Variants in IGF2BP3 observed in about 807,000 individuals in gnomAD.
IGF2BP3 encodes the protein insulin-like growth factor 2 mRNA-binding protein 3.
IGF2BP3 carries 9 observed loss-of-function variants against 73.8 expected under a neutral mutation model. The ratio of observed to expected loss-of-function variants is 0.12; its 90% confidence interval spans 0.07 to 0.21. The LOEUF is 0.21. IGF2BP3 is among the 10% of genes least tolerant of loss of function. The pLI is 1.00. For synonymous variants in IGF2BP3, 258 were observed against 256.7 expected (o/e 1.01, Z -0.05); for missense variants, 542 against 714.0 (o/e 0.76, Z 2.75).
intron 8 of IGF2BP3, among the ~76,000 whole-genome samples, chr7:23,345,033 GT>G (rs1015368069): frequency 4.8e-4 from 73 of 152,220 alleles, no homozygotes; most frequent in African/African-American, 1.3e-3. Context: ...ACTTTGTGGG[GT>G]TTTTTTCCCC....
At chr7:23,445,805 T>A (rs1719608910) in intron 2 of IGF2BP3, among the ~76,000 whole-genome samples, 1 of 152,128 alleles carries the variant, frequency 6.6e-6, no homozygotes, top group Admixed American at 6.6e-5. Context: ...ATACAATAGT[T>A]ATGTTTAAGT....
intron 2 of IGF2BP3, among the ~76,000 whole-genome samples, chr7:23,467,602 CA>C (rs1788597043): frequency 6.6e-6 from 1 of 151,766 alleles, no homozygotes; most frequent in Non-Finnish European, 1.5e-5. Context: ...AAAAACAAAA[CA>C]AAACAAAAAA....
intron 2 of IGF2BP3, among the ~76,000 whole-genome samples, chr7:23,445,621 G>C (rs1207775340): frequency 2.0e-5 from 3 of 152,068 alleles, no homozygotes; most frequent in African/African-American, 4.8e-5. Flanking sequence ...AGAGACCTAA[G>C]AATAAATAGG....
chr7:23,382,888 C>G (rs1785955021), intron 3 of IGF2BP3, among the ~76,000 whole-genome samples: 1 of 95,808 alleles, frequency 1.0e-5, no homozygotes, highest in Non-Finnish European at 1.9e-5. Context: ...AAAAACCTAG[C>G]TCTACCAAAA....
chr7:23,442,618 G>T (rs1345746058), intron 2 of IGF2BP3, among the ~76,000 whole-genome samples: 1 of 151,944 alleles, frequency 6.6e-6, no homozygotes, highest in African/African-American at 2.4e-5. Context: ...GGCTGGTCTC[G>T]AACTCCTGAC....
intron 10 of IGF2BP3, among the ~76,000 whole-genome samples, chr7:23,328,189 G>GA (rs1332086218): frequency 5.9e-5 from 9 of 151,910 alleles, no homozygotes; most frequent in Admixed American, 2.6e-4. Flanking sequence ...ATCTTTAAAG[G>GA]AAAAATTCAG....
chr7:23,432,924 G>A (rs1027321348), intron 2 of IGF2BP3, among the ~76,000 whole-genome samples: 5 of 152,236 alleles, frequency 3.3e-5, no homozygotes, highest in Non-Finnish European at 7.4e-5. Context: ...GAGCCACTGC[G>A]CCCAGCCTGT....
intron 3 of IGF2BP3, among the ~76,000 whole-genome samples, chr7:23,375,514 A>G (rs1785690364): frequency 6.6e-6 from 1 of 152,180 alleles, no homozygotes; most frequent in Non-Finnish European, 1.5e-5. Context: ...AGCAAACACC[A>G]GTTTTAGTAA....
chr7:23,345,638 C>T (rs996017614), intron 8 of IGF2BP3, among the ~76,000 whole-genome samples: 7 of 152,194 alleles, frequency 4.6e-5, no homozygotes, highest in African/African-American at 1.7e-4. Flanking sequence ...ATGCGTTACA[C>T]GACAATGGAT....
intron 2 of IGF2BP3, among the ~76,000 whole-genome samples, chr7:23,428,332 C>G (rs1464888943): frequency 6.6e-6 from 1 of 150,986 alleles, no homozygotes; most frequent in East Asian, 2.0e-4. Context: ...ATTAGCCGAG[C>G]ATGGTGGCAT....
chr7:23,466,030 T>A (rs2128552697), intron 2 of IGF2BP3, among the ~76,000 whole-genome samples: 1 of 151,980 alleles, frequency 6.6e-6, no homozygotes, highest in African/African-American at 2.4e-5. Context: ...AAAGGTTTTT[T>A]TTTTTTTTTG....
chr7:23,348,889 G>C (rs561567258), intron 6 of IGF2BP3, among the ~76,000 whole-genome samples: 3 of 152,266 alleles, frequency 2.0e-5, no homozygotes, highest in African/African-American at 7.2e-5. Context: ...ATATCATACA[G>C]ATGTTTTTGA....
intron 3 of IGF2BP3, among the ~76,000 whole-genome samples, chr7:23,417,512 A>G (rs1370702385): frequency 6.6e-6 from 1 of 152,260 alleles, no homozygotes; most frequent in East Asian, 1.9e-4. Flanking sequence ...TGAATGAATT[A>G]AAAGGAAACT....
At chr7:23,376,182 A>G (rs1785712311) in intron 3 of IGF2BP3, among the ~76,000 whole-genome samples, 1 of 152,212 alleles carries the variant, frequency 6.6e-6, no homozygotes, top group African/African-American at 2.4e-5. Flanking sequence ...CAGCACTAAC[A>G]AGGGATCACT....
chr7:23,318,795 G>C (rs1784058817), intron 11 of IGF2BP3, among the ~76,000 whole-genome samples: 1 of 152,106 alleles, frequency 6.6e-6, no homozygotes, highest in Admixed American at 6.6e-5. Flanking sequence ...TCTCCTACTG[G>C]CTGGGCAACA....
intron 3 of IGF2BP3, among the ~76,000 whole-genome samples, chr7:23,374,056 T>C (rs1451790759): frequency 6.6e-6 from 1 of 152,200 alleles, no homozygotes; most frequent in Admixed American, 6.5e-5. Context: ...CAAATAAACC[T>C]ATTTTCTTTA....
intron 2 of IGF2BP3, among the ~76,000 whole-genome samples, chr7:23,446,332 TG>T (rs200806012): frequency 0.019 from 2,951 of 152,252 alleles, 97 homozygotes; most frequent in African/African-American, 0.068. Context: ...GAGACCAAGG[TG>T]GGTGGATTAC....
At chr7:23,312,525 T>G in intron 14 of IGF2BP3, 65 bp from the exon 15 acceptor site, 1 of 1,137,706 alleles carries the variant, frequency 8.8e-7, no homozygotes, top group Non-Finnish European at 1.3e-6. Flanking sequence ...TTGTACTCCT[T>G]CATTTCAACA....
chr7:23,395,611 A>C lies in IGF2BP3; in HGVS notation c.285+23165T>G, dbSNP rs555370487. Among the ~76,000 whole-genome samples, 436 of 148,684 alleles carry C rather than the reference A, an allele frequency of 2.9e-3. 4 individuals carry two copies. Among genetic ancestry groups the C allele is most frequent in the South Asian group, 0.011 (50 of 4,544 alleles). ...ACCCCATCTCTACCCCCACCCCCCCAAAAAAAGAAAAAAATTAACTGAAAA... is the reference window on the plus strand; with the variant it reads ...ACCCCATCTCTACCCCCACCCCCCCCAAAAAAGAAAAAAATTAACTGAAAA... On this transcript the variant is annotated intron_variant, in intron 3 of 14. Transcript: ENST00000258729.
Sources: allele counts gnomAD v4.1 joint callset (sites outside exome capture counted in the v4.1 genomes callset), GRCh38; gene constraint gnomAD v4.1.1; transcripts MANE v1.5; gene names NCBI Gene and HGNC (gene_info 2026-07-23, HGNC 2026-07-21).